The following GDPGP1 variants were observed in gnomAD, a reference collection of about 807,000 sequenced individuals.
GDPGP1 encodes the protein GDP-D-glucose phosphorylase 1.
GDPGP1 carries 18 observed loss-of-function variants against 19.2 expected under a neutral mutation model. That is an observed-to-expected ratio of 0.94 (90% CI 0.65 to 1.39). The LOEUF is 1.39. Among genes scored for constraint, GDPGP1 ranks in the 40% most tolerant of loss-of-function variants. The pLI is 0.00. For missense variants in GDPGP1, 449 were observed against 490.5 expected (o/e 0.92, Z 0.80); for synonymous variants, 219 against 208.9 (o/e 1.05, Z -0.42).
rs1962785251 is a variant in GDPGP1 at position 90,242,427 on chromosome 15, G to GTTTTTTTTTTTTT, written c.*364_*365insTTTTTTTTTTTTT. The stretch of plus-strand genomic sequence containing the variant: ...GGAGTGAGCCCCTGGATTCTTTTCT[G>GTTTTTTTTTTTTT]TTTCTTTTTTTTTTTTTTTTTTTTT... On this transcript the variant is annotated 3_prime_UTR_variant, in exon 4 of 4. Transcript: ENST00000329600. The GTTTTTTTTTTTTT allele has an allele frequency of 1.3e-5, 1 of 76,440 alleles. No individual in the cohort carries two copies. The highest frequency in any genetic ancestry group is 2.9e-5 in the Non-Finnish European group (1 of 34,686). 4.7% of individuals were successfully genotyped at this position (76,440 alleles called of 1,614,324 possible). A position where few individuals can be genotyped will look rare whatever the true frequency, so the allele number is the denominator to read the frequency against.
At chr15:90,236,868 C>T (rs1962646322) in intron 2 of GDPGP1, among the ~76,000 whole-genome samples, 1 of 152,118 alleles carries the variant, frequency 6.6e-6, no homozygotes, top group Admixed American at 6.5e-5. Flanking sequence ...TTTGGTAGTC[C>T]TCGGTGAATC....
rs201579707 is a variant in GDPGP1, at chr15:90,241,025, A to T, written c.117A>T (p.Glu39Asp). 4 of 1,614,144 alleles carry T rather than the reference A, an allele frequency of 2.5e-6. No homozygotes were observed. The highest frequency in any genetic ancestry group is 3.4e-6 in the Non-Finnish European group (4 of 1,179,996). ...FVYGQKDLMA[E>D]GIQWPRNAPG... ...ATGGGCAGAAGGATCTCATGGCAGAAGGGATTCAGTGGCCAAGGAATGCAC... is the reference window on the plus strand; with the variant it reads ...ATGGGCAGAAGGATCTCATGGCAGATGGGATTCAGTGGCCAAGGAATGCAC... The change falls in exon 4 of 4, where the codon GAA becomes GAT. Residue 39 changes from glutamate (E) to aspartate (D), a missense_variant. Physicochemically the swap from Glu to Asp is conservative, Grantham distance 45. Coordinates refer to ENST00000329600, the MANE Select transcript of GDPGP1 (RefSeq NM_001013657.3).
In GDPGP1 at chr15:90,244,365, G is replaced by A. The variant is rs559611146; in HGVS notation, c.*2299G>A. On this transcript the variant is annotated 3_prime_UTR_variant, in exon 4 of 4. Coordinates refer to ENST00000329600, the MANE Select transcript of GDPGP1 (RefSeq NM_001013657.3). ...TTCCTCCGTCTGCATCTGAGTCAAT[G>A]TGGGAAATTTTTTTTTATCTCATTG... 6.6e-6 allele frequency: 1 copy of A among 152,280 alleles called. No individual in the cohort carries two copies. Among genetic ancestry groups the A allele is most frequent in the South Asian group, 2.1e-4 (1 of 4,826 alleles). 9.4% of individuals were successfully genotyped at this position (152,280 alleles called of 1,614,324 possible). A position where few individuals can be genotyped will look rare whatever the true frequency, so the allele number is the denominator to read the frequency against.
rs1962820954 is a variant in GDPGP1 at position 90,244,088 on chromosome 15, T to A, written c.*2022T>A. 6.6e-6 allele frequency: 1 copy of A among 152,114 alleles called. No individual in the cohort carries two copies. The highest frequency in any genetic ancestry group is 2.4e-5 in the African/African-American group (1 of 41,402). 9.4% of individuals were successfully genotyped at this position (152,114 alleles called of 1,614,324 possible). A position where few individuals can be genotyped will look rare whatever the true frequency, so the allele number is the denominator to read the frequency against. The stretch of plus-strand genomic sequence containing the variant: ...CTTAATACCCCCATTCAAAACGGGA[T>A]GGAGACTGACAGTTTGTACTTTGTT... On this transcript the variant is annotated 3_prime_UTR_variant, in exon 4 of 4. Coordinates refer to ENST00000329600, the MANE Select transcript of GDPGP1 (RefSeq NM_001013657.3).
At chr15:90,237,718 T>C (rs900312899) in intron 2 of GDPGP1, among the ~76,000 whole-genome samples, 22 of 152,194 alleles carry the variant, frequency 1.4e-4, no homozygotes, top group African/African-American at 4.3e-4. Flanking sequence ...TTCTCCTTTT[T>C]TTGGTTTTGT....
In GDPGP1 at chr15:90,234,246, G is replaced by A. The variant is rs1369812020; in HGVS notation, c.-188G>A. On this transcript the variant is annotated 5_prime_UTR_variant, in exon 1 of 4. Transcript: ENST00000329600. ...GGCGTCATGACCTCGCTGTGGCCCC[G>A]GCAGCGGCTGCGGGGAAAGTCGCGA... The A allele has an allele frequency of 4.4e-6, 1 of 228,246 alleles. No individual in the cohort carries two copies. The highest frequency in any genetic ancestry group is 8.5e-6 in the Non-Finnish European group (1 of 117,790). 14.1% of individuals were successfully genotyped at this position (228,246 alleles called of 1,614,324 possible).
rs747857376 is a variant in GDPGP1 at position 90,241,517 on chromosome 15, C to A, written c.609C>A (p.Val203=). Residue 203 remains valine (V), a synonymous_variant, in exon 4 of 4, where the codon GTC becomes GTA. Transcript: ENST00000329600. ...VLLSLHPGFR[V]GFNSLGGLAS... Reference sequence around the variant, plus strand: ...TGAGCTTACACCCGGGCTTCCGTGTCGGCTTCAACAGCCTGGGAGGCTTGG... The same window carrying A: ...TGAGCTTACACCCGGGCTTCCGTGTAGGCTTCAACAGCCTGGGAGGCTTGG... The A allele has an allele frequency of 6.2e-7, 1 of 1,613,676 alleles. No homozygotes were observed. The highest frequency in any genetic ancestry group is 1.1e-5 in the South Asian group (1 of 91,054).
chr15:90,237,668 A>T (rs941746957), intron 2 of GDPGP1, among the ~76,000 whole-genome samples: 2 of 151,984 alleles, frequency 1.3e-5, no homozygotes, highest in Admixed American at 6.6e-5. Flanking sequence ...GGCCATCTTT[A>T]TATCTTATTT....
At chr15:90,235,478 C>T (rs1383092925) in intron 2 of GDPGP1, among the ~76,000 whole-genome samples, 1 of 152,030 alleles carries the variant, frequency 6.6e-6, no homozygotes, top group Non-Finnish European at 1.5e-5. Context: ...TGTGCCACTG[C>T]AGTCCAGCCT....
chr15:90,237,550 C>T (rs1962662172), intron 2 of GDPGP1, among the ~76,000 whole-genome samples: 1 of 152,092 alleles, frequency 6.6e-6, no homozygotes, highest in Non-Finnish European at 1.5e-5. Flanking sequence ...TCCCAATGTG[C>T]TGGTCCAGGG....
At position 90,244,795 on chromosome 15, in the gene GDPGP1, G is replaced by A. The variant is rs4932169; in HGVS notation, c.*2729G>A. ...GATTGCACGACTGTACTCCAGCCTG[G>A]GCGATAGTGCGAGACTCAGTCTCAA... On this transcript the variant is annotated 3_prime_UTR_variant, in exon 4 of 4. Coordinates refer to ENST00000329600, the MANE Select transcript of GDPGP1 (RefSeq NM_001013657.3). The A allele has an allele frequency of 0.53, 80,021 of 151,998 alleles. 22,587 individuals carry two copies. Among genetic ancestry groups the A allele is most frequent in the African/African-American group, 0.72 (29,730 of 41,448 alleles). 9.4% of individuals were successfully genotyped at this position (151,998 alleles called of 1,614,324 possible). A position where few individuals can be genotyped will look rare whatever the true frequency, so the allele number is the denominator to read the frequency against.
rs779715088 is a variant in GDPGP1, at chr15:90,244,473, G to A, written c.*2407G>A. The stretch of plus-strand genomic sequence containing the variant: ...TAGACACTATTCTAAGAGAGTATGT[G>A]GGTGTGAAATCTCATTTTCCTTTTA... On this transcript the variant is annotated 3_prime_UTR_variant, in exon 4 of 4. Coordinates refer to ENST00000329600, the MANE Select transcript of GDPGP1 (RefSeq NM_001013657.3). The A allele has an allele frequency of 5.9e-5, 9 of 152,156 alleles. No homozygotes were observed. Among genetic ancestry groups the A allele is most frequent in the Non-Finnish European group, 1.0e-4 (7 of 68,036 alleles). 9.4% of individuals were successfully genotyped at this position (152,156 alleles called of 1,614,324 possible).
In GDPGP1 at chr15:90,242,187, A is replaced by C. The variant is rs1164251940; in HGVS notation, c.*121A>C. ...ACTGTAGCCTCCACCTCTGGGGCTG[A>C]AGTGATCCTCCCACCTCAGCCTCTT... On this transcript the variant is annotated 3_prime_UTR_variant, in exon 4 of 4. Coordinates refer to ENST00000329600, the MANE Select transcript of GDPGP1 (RefSeq NM_001013657.3). The C allele has an allele frequency of 1.4e-6, 1 of 724,902 alleles. No individual in the cohort carries two copies. Among genetic ancestry groups the C allele is most frequent in the Non-Finnish European group, 2.1e-6 (1 of 465,318 alleles). 44.9% of individuals were successfully genotyped at this position (724,902 alleles called of 1,614,324 possible). A position where few individuals can be genotyped will look rare whatever the true frequency, so the allele number is the denominator to read the frequency against.
In GDPGP1 at chr15:90,238,254, C is replaced by T. The variant is rs138229558; in HGVS notation, c.-66-238C>T. ...GGTGGAGGTTGCAGTGAGCCAAGAT[C>T]GTGCCACTGCACTGCAGCCTGGCTG... On this transcript the variant is annotated intron_variant, in intron 2 of 3. Coordinates refer to ENST00000329600, the MANE Select transcript of GDPGP1 (RefSeq NM_001013657.3). 2.7e-3 allele frequency among the ~76,000 whole-genome samples: 418 copies of T among 152,218 alleles called. 11 individuals are homozygous for T. Among genetic ancestry groups the T allele is most frequent in the Admixed American group, 0.024 (361 of 15,276 alleles).
rs1398030359 is a variant in GDPGP1, at chr15:90,241,118, G to C, written c.210G>C (p.Arg70=). ...DAALCSAWKQ[R]VELGLFRYRL... is the part of the protein sequence containing the mutation. ...CACTCTGCTCTGCCTGGAAGCAGCG[G>C]GTGGAGCTGGGGCTGTTTCGCTACC... is the stretch of plus-strand genomic sequence containing the variant. The change falls in exon 4 of 4, where the codon CGG becomes CGC. Residue 70 remains arginine, a synonymous_variant. Transcript: ENST00000329600. 1 of 1,614,128 alleles carries C rather than the reference G, an allele frequency of 6.2e-7. No homozygotes were observed. The highest frequency in any genetic ancestry group is 1.7e-5 in the Admixed American group (1 of 60,010).
At chr15:90,240,064 A>G (rs1417318086) in intron 3 of GDPGP1, among the ~76,000 whole-genome samples, 2 of 151,760 alleles carry the variant, frequency 1.3e-5, no homozygotes, top group African/African-American at 4.8e-5. Flanking sequence ...TCTCTACCAA[A>G]AATACAAAAT....
At chr15:90,238,805 C>CACTGAA (rs1190340199) in intron 3 of GDPGP1, among the ~76,000 whole-genome samples, 2 of 152,176 alleles carry the variant, frequency 1.3e-5, no homozygotes, top group Non-Finnish European at 2.9e-5. Context: ...AAACCCTGAG[C>CACTGAA]ACTCTCATGC....
In GDPGP1 at chr15:90,234,227, A is replaced by G. The variant is rs8028268; in HGVS notation, c.-207A>G. 0.16 allele frequency: 39,258 copies of G among 249,904 alleles called. 4,444 individuals are homozygous for G. The highest frequency in any genetic ancestry group is 0.31 in the African/African-American group (13,703 of 44,458). 15.5% of individuals were successfully genotyped at this position (249,904 alleles called of 1,614,324 possible). A position where few individuals can be genotyped will look rare whatever the true frequency, so the allele number is the denominator to read the frequency against. The stretch of plus-strand genomic sequence containing the variant: ...TGGCTGCGTATGCGTCACGGGCGTC[A>G]TGACCTCGCTGTGGCCCCGGCAGCG... On this transcript the variant is annotated 5_prime_UTR_variant, in exon 1 of 4. The change abolishes an upstream ATG in the 5' untranslated region. Transcript: ENST00000329600.
chr15:90,241,852 C>T lies in GDPGP1; in HGVS notation c.944C>T (p.Ala315Val). 6.2e-7 allele frequency: 1 copy of T among 1,614,148 alleles called. No individual in the cohort carries two copies. The highest frequency in any genetic ancestry group is 8.5e-7 in the Non-Finnish European group (1 of 1,180,024). Reference sequence around the variant, plus strand: ...ACAGGGGTCCGAGTAATTCTGTGGGCCCGGAAGTCCAGCTTTGGGATAAAG... The same window carrying T: ...ACAGGGGTCCGAGTAATTCTGTGGGTCCGGAAGTCCAGCTTTGGGATAAAG... ...ALTGVRVILW[A>V]RKSSFGIKDG... The change falls in exon 4 of 4, where the codon GCC (alanine) becomes GTC (valine). Residue 315 changes from alanine (A) to valine (V), a missense_variant. Ala to Val is a moderately conservative substitution (Grantham distance 64, BLOSUM62 0). Transcript: ENST00000329600.
Sources: allele counts gnomAD v4.1 joint callset (sites outside exome capture counted in the v4.1 genomes callset), GRCh38; gene constraint gnomAD v4.1.1; transcripts MANE v1.5; gene names NCBI Gene and HGNC (gene_info 2026-07-23, HGNC 2026-07-21).